The following SPEF2 variants were observed in gnomAD, a reference collection of about 807,000 sequenced individuals.
SPEF2 encodes sperm flagellar and cilia associated 2, also known as sperm flagella and cilia-associated protein 2.
Under a neutral mutation model 224.6 loss-of-function variants are expected in SPEF2, and 187 were observed. The ratio of observed to expected loss-of-function variants is 0.83; its 90% confidence interval spans 0.74 to 0.94. The LOEUF (loss-of-function observed/expected upper bound fraction) is 0.94. Ranked by LOEUF, SPEF2 falls within the 40% of genes least tolerant of loss-of-function variation. SPEF2 has a pLI of 0.00. For missense variants in SPEF2, 2,170 were observed against 2,135.6 expected (o/e 1.02, Z -0.32); for synonymous variants, 715 against 707.3 (o/e 1.01, Z -0.17).
intron 29 of SPEF2, among the ~76,000 whole-genome samples, chr5:35,777,650 C>A (rs1029785816): frequency 1.4e-5 from 2 of 143,770 alleles, no homozygotes; most frequent in African/African-American, 5.2e-5. Context: ...AAGTTAAAAC[C>A]TAGAAATGTG....
intron 1 of SPEF2, among the ~76,000 whole-genome samples, chr5:35,623,454 C>G (rs940257889): frequency 2.6e-5 from 4 of 152,114 alleles, no homozygotes; most frequent in Admixed American, 2.0e-4. Context: ...GTCTGCAGTC[C>G]CTTACCTAAA....
Position 35,760,484 on chromosome 5 carries a change from T to A in SPEF2, c.3620+765T>A, listed in dbSNP as rs7380557. On this transcript the variant is annotated intron_variant, in intron 25 of 36. Transcript: ENST00000356031. Reference sequence around the variant, plus strand: ...ATGGAAGGTGTTTTGAGTCTTTTACTGATAAAGACATTGAGAAACAGTAAA... The same window carrying A: ...ATGGAAGGTGTTTTGAGTCTTTTACAGATAAAGACATTGAGAAACAGTAAA... 4.8e-3 allele frequency among the ~76,000 whole-genome samples: 724 copies of A among 152,212 alleles called. 5 individuals are homozygous for A. The highest frequency in any genetic ancestry group is 0.017 in the African/African-American group (687 of 41,484).
chr5:35,701,024 T>G (rs996435945), intron 16 of SPEF2, among the ~76,000 whole-genome samples: 2 of 152,172 alleles, frequency 1.3e-5, no homozygotes, highest in Non-Finnish European at 2.9e-5. Flanking sequence ...ATTGGGGTGT[T>G]TTTTTGAGAC....
chr5:35,620,524 C>T (rs73078242), intron 1 of SPEF2, among the ~76,000 whole-genome samples: 2,215 of 152,194 alleles, frequency 0.015, 55 homozygotes, highest in African/African-American at 0.051. Context: ...TACTTCTCAG[C>T]ATCTATCAAA....
At chr5:35,689,239 T>G (rs1248436374) in intron 10 of SPEF2, among the ~76,000 whole-genome samples, 1 of 152,226 alleles carries the variant, frequency 6.6e-6, no homozygotes, top group African/African-American at 2.4e-5. Flanking sequence ...TATCTTAGAA[T>G]ATCATTTATT....
chr5:35,809,912 A>G (rs1758430668), intron 36 of SPEF2, among the ~76,000 whole-genome samples: 1 of 152,172 alleles, frequency 6.6e-6, no homozygotes, highest in Non-Finnish European at 1.5e-5. Flanking sequence ...AATAATTTGC[A>G]AAATCCTTTG....
intron 20 of SPEF2, among the ~76,000 whole-genome samples, chr5:35,721,324 A>T (rs1027392003): frequency 3.9e-5 from 6 of 152,178 alleles, no homozygotes; most frequent in Non-Finnish European, 8.8e-5. Flanking sequence ...CACATCTTGC[A>T]TGTAAATCTA....
At chr5:35,661,265 T>A in intron 8 of SPEF2, among the ~76,000 whole-genome samples, 1 of 14,804 alleles carries the variant, frequency 6.8e-5, no homozygotes, top group Non-Finnish European at 1.1e-4. Flanking sequence ...TATATATATA[T>A]ATATATATAT....
At chr5:35,715,014 C>A (rs1251108274) in intron 20 of SPEF2, among the ~76,000 whole-genome samples, 1 of 152,044 alleles carries the variant, frequency 6.6e-6, no homozygotes, top group African/African-American at 2.4e-5. Context: ...CTCCTAGGAC[C>A]AAGCAATCCT....
At chr5:35,790,370 G>C (rs1755786103) in intron 30 of SPEF2, 2 of 519,994 alleles carry the variant, frequency 3.8e-6, no homozygotes, top group Non-Finnish European at 6.7e-6. Flanking sequence ...AAAGTGATTA[G>C]CAATATGCAA....
chr5:35,650,123 C>T (rs1747969076), intron 6 of SPEF2, among the ~76,000 whole-genome samples: 1 of 151,876 alleles, frequency 6.6e-6, no homozygotes, highest in South Asian at 2.1e-4. Flanking sequence ...TAAAGAAAAG[C>T]AGAAAAAAAT....
Position 35,712,809 on chromosome 5 carries a change from T to G in SPEF2, c.2840-3T>G, listed in dbSNP as rs1741439716. On this transcript the variant is annotated splice_region_variant and splice_polypyrimidine_tract_variant and intron_variant, in intron 19 of 36. Coordinates refer to ENST00000356031, the MANE Select transcript of SPEF2 (RefSeq NM_024867.4). ...TGATTTTTGTGTGTCGAATTTTGTT[T>G]AGAAGCCCCGCATGGTAAGCAAGAA... 2 of 1,613,760 alleles carry G rather than the reference T, an allele frequency of 1.2e-6. No individual in the cohort carries two copies. Among genetic ancestry groups the G allele is most frequent in the Non-Finnish European group, 1.7e-6 (2 of 1,179,866 alleles).
At chr5:35,807,633 C>T (rs544880669) in intron 36 of SPEF2, 72 of 1,534,852 alleles carry the variant, frequency 4.7e-5, no homozygotes, top group Admixed American at 3.5e-4. Flanking sequence ...ACTCTAATCA[C>T]GCAAGGTACA....
intron 2 of SPEF2, among the ~76,000 whole-genome samples, chr5:35,637,282 G>T (rs145260358): frequency 3.3e-5 from 5 of 152,252 alleles, no homozygotes; most frequent in African/African-American, 4.8e-5. Context: ...GTTATGAAAA[G>T]GTTGATTTTT....
chr5:35,814,453 T>G lies in SPEF2; in HGVS notation c.5380-11T>G. On this transcript the variant is annotated splice_polypyrimidine_tract_variant and intron_variant, in intron 36 of 36. Coordinates refer to ENST00000356031, the MANE Select transcript of SPEF2 (RefSeq NM_024867.4). Reference sequence around the variant, plus strand: ...AGTATTTGTAACTTCTCTTTGAATCTTTTGTCTTAGGATATTAAAATAATT... The same window carrying G: ...AGTATTTGTAACTTCTCTTTGAATCGTTTGTCTTAGGATATTAAAATAATT... The G allele has an allele frequency of 2.0e-6, 3 of 1,535,618 alleles. No homozygotes were observed. The highest frequency in any genetic ancestry group is 2.7e-6 in the Non-Finnish European group (3 of 1,121,754).
At chr5:35,662,346 G>T (rs770319961) in intron 8 of SPEF2, among the ~76,000 whole-genome samples, 12 of 152,110 alleles carry the variant, frequency 7.9e-5, no homozygotes, top group African/African-American at 2.4e-4. Context: ...CAGATGCATA[G>T]TTTGTAAAAA....
In SPEF2 at chr5:35,799,994, T is replaced by C; in HGVS notation, c.4857T>C (p.Tyr1619=). ...IEFFFRLFAD[Y]EKDPPQLDYT... is the part of the protein sequence containing the mutation. ...TTTTCTTTAGGCTATTTGCTGACTA[T>C]GAGAAGGATCCACCCCAGCTTGACT... Residue 1619 remains tyrosine (Y), a synonymous_variant, in exon 34 of 37, where the codon TAT becomes TAC. Transcript: ENST00000356031. The C allele has an allele frequency of 6.2e-7, 1 of 1,614,094 alleles. No homozygotes were observed. Among genetic ancestry groups the C allele is most frequent in the South Asian group, 1.1e-5 (1 of 91,064 alleles).
intron 16 of SPEF2, 92 bp downstream of exon 16, chr5:35,700,844 G>A (rs1738477290): frequency 1.5e-6 from 2 of 1,311,916 alleles, no homozygotes; most frequent in African/African-American, 2.9e-5. Context: ...TTATAAATGA[G>A]TACAAAATAA....
At chr5:35,691,551 G>A (rs57435143) in intron 11 of SPEF2, among the ~76,000 whole-genome samples, 5,170 of 152,240 alleles carry the variant, frequency 0.034, 315 homozygotes, top group African/African-American at 0.12. Context: ...TCCAAAATAG[G>A]CAAATCCATA....
Sources: gnomAD v4.1 joint callset for allele counts (sites outside exome capture counted in the v4.1 genomes callset) on GRCh38, gnomAD v4.1.1 for gene constraint, MANE v1.5 for transcripts, NCBI Gene and HGNC (gene_info 2026-07-23, HGNC 2026-07-21) for gene names.